WNT7B: variants seen among roughly 807,000 people sequenced by gnomAD.
WNT7B encodes Wnt family member 7B, also known as protein Wnt-7b.
WNT7B carries 19 observed loss-of-function variants against 38.2 expected under a neutral mutation model. That is an observed-to-expected ratio of 0.50 (90% CI 0.35 to 0.73). The LOEUF is 0.73. WNT7B is among the 30% of genes least tolerant of loss of function. The probability of loss-of-function intolerance (pLI) is 0.01; values close to 1 mark genes in which losing one functional copy is unlikely to be tolerated. For missense variants in WNT7B, 423 were observed against 507.9 expected, an observed-to-expected ratio of 0.83 and a Z score of 1.61; for synonymous variants, 243 against 209.3, an observed-to-expected ratio of 1.16 and a Z score of -1.39.
chr22:45,927,210 G>A (rs1931112920), intron 3 of WNT7B: 42 of 985,434 alleles, frequency 4.3e-5, no homozygotes, highest in Non-Finnish European at 5.1e-5. Flanking sequence ...TGGGGGCCGG[G>A]CACTGGGCAC....
chr22:45,942,449 C>T lies in WNT7B; in HGVS notation c.298+7471G>A, dbSNP rs1010550119. Among the ~76,000 whole-genome samples the T allele has an allele frequency of 7.2e-5, 11 of 152,334 alleles. No individual in the cohort carries two copies. The South Asian group carries it at 1.0e-3, about 14-fold the overall frequency. On this transcript the variant is annotated intron_variant, in intron 2 of 3. Coordinates refer to ENST00000339464, the MANE Select transcript of WNT7B (RefSeq NM_058238.3). ...CACACAGAGCTCAGGCTGGGGACAT[C>T]GGGGTGGAGGCAGAGACCAAGGCAC... is the stretch of plus-strand genomic sequence containing the variant.
intron 3 of WNT7B, among the ~76,000 whole-genome samples, chr22:45,930,741 G>A (rs1335256630): frequency 2.0e-5 from 3 of 152,186 alleles, no homozygotes; most frequent in Non-Finnish European, 4.4e-5. Flanking sequence ...GTGACCTCCG[G>A]GACCAGGAAC....
In WNT7B at chr22:45,951,418, ATGAACCATTT is replaced by A. The variant is rs567467522; in HGVS notation, c.72-1282_72-1273del. On this transcript the variant is annotated intron_variant, in intron 1 of 3. Transcript: ENST00000339464. This position sits in a 1 kb window ranked among gnomAD's most constrained non-coding sequence, Gnocchi z 4.8. The stretch of plus-strand genomic sequence containing the variant: ...TGAGGTGAAATTCCCATAACATAAA[ATGAACCATTT>A]TGAAGTGTACAGTTCTGTGGCATTT... Among the ~76,000 whole-genome samples the A allele has an allele frequency of 1.9e-4, 29 of 150,144 alleles. No individual in the cohort carries two copies. In the East Asian group the frequency reaches 5.6e-3, roughly 29 times the overall value.
intron 3 of WNT7B, chr22:45,926,790 T>A: frequency 1.0e-6 from 1 of 985,406 alleles, no homozygotes; most frequent in Non-Finnish European, 1.2e-6. Context: ...GTGGACTGAA[T>A]GTGGCCTCGA....
rs1172614392 is a variant in WNT7B, at chr22:45,976,637, G to T, written c.71+47C>A. The T allele has an allele frequency of 1.3e-6, 2 of 1,584,470 alleles. No individual in the cohort carries two copies. The highest frequency in any genetic ancestry group is 1.7e-5 in the Admixed American group (1 of 57,724). ...GGGACGCCCCGGAGGCAGCTCCTTCGTGCTGTCTTGGCCCCTGGCTGCTGC... is the reference window on the plus strand; with the variant it reads ...GGGACGCCCCGGAGGCAGCTCCTTCTTGCTGTCTTGGCCCCTGGCTGCTGC... On this transcript the variant is annotated intron_variant, in intron 1 of 3. Coordinates refer to ENST00000339464, the MANE Select transcript of WNT7B (RefSeq NM_058238.3). The surrounding 1 kb of genome is among the most constrained non-coding windows in gnomAD (Gnocchi z 8.5).
At chr22:45,933,190 T>C (rs1931422385) in intron 2 of WNT7B, among the ~76,000 whole-genome samples, 1 of 152,136 alleles carries the variant, frequency 6.6e-6, no homozygotes, top group South Asian at 2.1e-4. Context: ...GAGCCACAGC[T>C]TCCCGGGAAC....
At position 45,921,927 on chromosome 22, in the gene WNT7B, A is replaced by C. The variant is rs573564074; in HGVS notation, c.*929T>G. The C allele has an allele frequency of 6.6e-6, 1 of 151,822 alleles. No homozygotes were observed. The highest frequency in any genetic ancestry group is 1.5e-5 in the Non-Finnish European group (1 of 67,946). 9.4% of individuals were successfully genotyped at this position (151,822 alleles called of 1,614,324 possible). On this transcript the variant is annotated 3_prime_UTR_variant, in exon 4 of 4. Transcript: ENST00000339464. Reference sequence around the variant, plus strand: ...AGGTGCACGCCACCACGCCCAGCTAATTTTTGTATTTTTAGTAGAGACAGG... The same window carrying C: ...AGGTGCACGCCACCACGCCCAGCTACTTTTTGTATTTTTAGTAGAGACAGG...
At position 45,975,442 on chromosome 22, in the gene WNT7B, G is replaced by T; in HGVS notation, c.71+1242C>A. The stretch of plus-strand genomic sequence containing the variant: ...CGGGGCTACCGGCAGCCGCAGACAC[G>T]CCCGCCCAGACCTGCAGGGCTCAGG... On this transcript the variant is annotated intron_variant, in intron 1 of 3. Transcript: ENST00000339464. The surrounding 1 kb of genome is among the most constrained non-coding windows in gnomAD (Gnocchi z 6.6). 3.0e-6 allele frequency: 2 copies of T among 661,198 alleles called. No individual in the cohort carries two copies. The highest frequency in any genetic ancestry group is 2.3e-5 in the Admixed American group (1 of 44,162). 41.0% of individuals were successfully genotyped at this position (661,198 alleles called of 1,614,324 possible). A position where few individuals can be genotyped will look rare whatever the true frequency, so the allele number is the denominator to read the frequency against.
intron 1 of WNT7B, among the ~76,000 whole-genome samples, chr22:45,968,758 G>A (rs1427252507): frequency 6.6e-6 from 1 of 152,162 alleles, no homozygotes; most frequent in African/African-American, 2.4e-5. Flanking sequence ...GGGGTCCCCA[G>A]TTGAGATCTC....
intron 3 of WNT7B, among the ~76,000 whole-genome samples, chr22:45,928,200 C>T (rs1234613416): frequency 6.6e-6 from 1 of 152,128 alleles, no homozygotes; most frequent in Admixed American, 6.5e-5. Flanking sequence ...CAGCGGGGTC[C>T]TGAGGAAGCT....
rs1414410466 is a variant in WNT7B at position 45,950,168 on chromosome 22, G to A, written c.72-22C>T. On this transcript the variant is annotated intron_variant, in intron 1 of 3. Transcript: ENST00000339464. The stretch of plus-strand genomic sequence containing the variant: ...TGCTCTGTGGAGGGGAGGAGACAGA[G>A]GCCGTGAGACGGCGGCGGCCAGCGC... 3 of 1,603,032 alleles carry A rather than the reference G, an allele frequency of 1.9e-6. No homozygotes were observed. The East Asian group carries it at 6.7e-5, about 36-fold the overall frequency.
At chr22:45,953,440 G>C (rs961173460) in intron 1 of WNT7B, among the ~76,000 whole-genome samples, 1 of 152,230 alleles carries the variant, frequency 6.6e-6, no homozygotes, top group African/African-American at 2.4e-5. Context: ...CCAGGTCTCC[G>C]GGCTGCCGGG....
intron 3 of WNT7B, chr22:45,927,384 T>A: frequency 6.6e-7 from 1 of 1,510,840 alleles, no homozygotes; most frequent in Non-Finnish European, 8.9e-7. Flanking sequence ...CTCCAGACTC[T>A]GCCCATCTCA....
Position 45,975,507 on chromosome 22 carries a change from G to C in WNT7B, c.71+1177C>G. The C allele has an allele frequency of 1.4e-6, 1 of 715,636 alleles. No homozygotes were observed. Among genetic ancestry groups the C allele is most frequent in the Non-Finnish European group, 2.6e-6 (1 of 383,938 alleles). The allele number at this position is 715,636 out of a possible 1,614,324, so 44.3% of individuals were successfully genotyped here. On this transcript the variant is annotated intron_variant, in intron 1 of 3. Coordinates refer to ENST00000339464, the MANE Select transcript of WNT7B (RefSeq NM_058238.3). The surrounding 1 kb of genome is among the most constrained non-coding windows in gnomAD (Gnocchi z 6.6). ...TCCAGTCCTGCCTCTGAAGCCACTG[G>C]CTTTGTCTCTGCAGGCCTTGGGCCT...
intron 1 of WNT7B, among the ~76,000 whole-genome samples, chr22:45,964,647 G>A (rs1045210196): frequency 2.6e-5 from 4 of 152,150 alleles, no homozygotes; most frequent in African/African-American, 2.4e-5. Flanking sequence ...GCCACTAGGG[G>A]CCAAGCACGC....
intron 1 of WNT7B, among the ~76,000 whole-genome samples, chr22:45,969,662 G>C (rs1311394578): frequency 6.6e-6 from 1 of 152,258 alleles, no homozygotes; most frequent in Non-Finnish European, 1.5e-5. Flanking sequence ...ATCAGTGGCA[G>C]GGGCCCAGGC....
At position 45,922,490 on chromosome 22, in the gene WNT7B, C is replaced by T. The variant is rs777228528; in HGVS notation, c.*366G>A. On this transcript the variant is annotated 3_prime_UTR_variant, in exon 4 of 4. Coordinates refer to ENST00000339464, the MANE Select transcript of WNT7B (RefSeq NM_058238.3). ...CCATGCCGCCAGGTGGGGCTGGGGACGCTCAGTCTCCTCATCACTTTGCTC... is the reference window on the plus strand; with the variant it reads ...CCATGCCGCCAGGTGGGGCTGGGGATGCTCAGTCTCCTCATCACTTTGCTC... The T allele has an allele frequency of 1.8e-5, 4 of 221,506 alleles. No individual in the cohort carries two copies. Among genetic ancestry groups the T allele is most frequent in the South Asian group, 1.3e-4 (1 of 7,552 alleles). The allele number at this position is 221,506 out of a possible 1,614,324, so 13.7% of individuals were successfully genotyped here.
intron 2 of WNT7B, among the ~76,000 whole-genome samples, chr22:45,948,857 T>TTC (rs1569118943): frequency 1.8e-5 from 2 of 114,100 alleles, no homozygotes; most frequent in African/African-American, 3.5e-5. Context: ...TTTTTTTTTT[T>TTC]CCCCTGAGAC....
At chr22:45,948,723 G>A (rs548108014) in intron 2 of WNT7B, among the ~76,000 whole-genome samples, 8 of 152,124 alleles carry the variant, frequency 5.3e-5, no homozygotes, top group Admixed American at 4.6e-4. Flanking sequence ...CTACTGGCTC[G>A]GAGCTCACAT....
Sources: allele counts gnomAD v4.1 joint callset (sites outside exome capture counted in the v4.1 genomes callset), GRCh38; gene constraint gnomAD v4.1.1; non-coding constraint Gnocchi (gnomAD v3.1); transcripts MANE v1.5; gene names NCBI Gene and HGNC (gene_info 2026-07-23, HGNC 2026-07-21).